Variants in COL28A1 observed in about 807,000 individuals in gnomAD.
The protein encoded by COL28A1 is collagen alpha-1(XXVIII) chain.
COL28A1 carries 161 observed loss-of-function variants against 150.2 expected under a neutral mutation model. The observed-to-expected ratio is 1.07, with a 90% CI of 0.94 to 1.22. COL28A1 has a LOEUF of 1.22. COL28A1 is among the 50% of genes most tolerant of loss of function. The pLI, the probability that COL28A1 is intolerant of heterozygous loss-of-function variation, is 0.00. For synonymous variants in COL28A1, 552 were observed against 469.7 expected (o/e 1.18, Z -2.26); for missense variants, 1,617 against 1,388.3 (o/e 1.16, Z -2.62).
Position 7,437,449 on chromosome 7 carries a change from A to T in COL28A1, c.1736T>A (p.Ile579Asn), listed in dbSNP as rs369189707. 2 of 1,613,720 alleles carry T rather than the reference A, an allele frequency of 1.2e-6. No individual in the cohort carries two copies. Among genetic ancestry groups the T allele is most frequent in the South Asian group, 1.1e-5 (1 of 90,990 alleles). Reference protein sequence around the residue: ...GPEGPKGEPGIMGPFGMPGTS... With the variant: ...GPEGPKGEPGNMGPFGMPGTS... ...TCCAGGCATTCCAAAAGGGCCCATA[A>T]TGCCCGGTTCACCCTTAAAAAGAGC... The change falls in exon 22 of 35, where the codon ATT becomes AAT. Residue 579 changes from isoleucine (I) to asparagine (N), a missense_variant. Coordinates refer to ENST00000399429, the MANE Select transcript of COL28A1 (RefSeq NM_001037763.3).
chr7:7,348,054 T>C, the COL28A1 span, among the ~76,000 whole-genome samples: 1 of 151,954 alleles, frequency 6.6e-6, no homozygotes, highest in Non-Finnish European at 1.5e-5. Flanking sequence ...GAAGTCAACA[T>C]ATAGAGGAGG....
At chr7:7,521,201 T>C (rs1405007315) in intron 5 of COL28A1, among the ~76,000 whole-genome samples, 3 of 152,192 alleles carry the variant, frequency 2.0e-5, no homozygotes, top group Non-Finnish European at 2.9e-5. Context: ...AGCACGTGAA[T>C]GCTTTATGAA....
At chr7:7,525,131 GTC>G (rs1393382221) in intron 3 of COL28A1, among the ~76,000 whole-genome samples, 1 of 152,082 alleles carries the variant, frequency 6.6e-6, no homozygotes, top group African/African-American at 2.4e-5. Context: ...AATTTAATGA[GTC>G]TTAGTCAATC....
downstream of COL28A1, among the ~76,000 whole-genome samples, chr7:7,355,711 A>C (rs1486600132): frequency 1.3e-5 from 2 of 152,220 alleles, no homozygotes; most frequent in African/African-American, 2.4e-5. Context: ...AGCAATGGGA[A>C]CTTTTATATG....
At chr7:7,528,244 A>G (rs1782140480) in intron 3 of COL28A1, among the ~76,000 whole-genome samples, 1 of 152,184 alleles carries the variant, frequency 6.6e-6, no homozygotes, top group South Asian at 2.1e-4. Flanking sequence ...ATTTTCACAT[A>G]TCCTCTCTTA....
Position 7,360,386 on chromosome 7 carries a change from C to T in COL28A1, c.3205+4G>A. ...AATGGGACTTGGAGTTCTGGTTTAC[C>T]TACCCTCTGCCCCATCCACAGGGGT... is the stretch of plus-strand genomic sequence containing the variant. On this transcript the variant is annotated splice_donor_region_variant and intron_variant, in intron 34 of 34. Coordinates refer to ENST00000399429, the MANE Select transcript of COL28A1 (RefSeq NM_001037763.3). The T allele has an allele frequency of 6.5e-7, 1 of 1,547,464 alleles. No homozygotes were observed.
chr7:7,397,548 C>T (rs1330820035), intron 27 of COL28A1, among the ~76,000 whole-genome samples: 1 of 152,186 alleles, frequency 6.6e-6, no homozygotes, highest in African/African-American at 2.4e-5. Context: ...CCTTAATACA[C>T]TTCCATTTAG....
At chr7:7,433,254 G>C (rs573360664) in intron 23 of COL28A1, among the ~76,000 whole-genome samples, 2 of 152,252 alleles carry the variant, frequency 1.3e-5, no homozygotes, top group African/African-American at 4.8e-5. Flanking sequence ...TCTAAGACTT[G>C]TAACTGTCTC....
intron 1 of COL28A1, 125 bp from the exon 2 acceptor site, chr7:7,533,037 TA>T (rs1281647293): frequency 9.6e-7 from 1 of 1,044,590 alleles, no homozygotes; most frequent in African/African-American, 1.6e-5. Context: ...TTCATATTTC[TA>T]GAAAAATATT....
chr7:7,504,221 G>T (rs58336356), intron 11 of COL28A1, among the ~76,000 whole-genome samples: 14,598 of 152,164 alleles, frequency 0.096, 764 homozygotes, highest in Middle Eastern at 0.15. Context: ...GTTGAGCCAG[G>T]TATGGTGGCT....
At position 7,390,929 on chromosome 7, in the gene COL28A1, T is replaced by C. The variant is rs117880418; in HGVS notation, c.2137-9317A>G. On this transcript the variant is annotated intron_variant, in intron 27 of 34. Coordinates refer to ENST00000399429, the MANE Select transcript of COL28A1 (RefSeq NM_001037763.3). Reference sequence around the variant, plus strand: ...TATTGTGTTGATCTTTTCAACCAGCTCCTGGATTCACTGATTTTTTGAAGA... The same window carrying C: ...TATTGTGTTGATCTTTTCAACCAGCCCCTGGATTCACTGATTTTTTGAAGA... Among the ~76,000 whole-genome samples, 1,171 of 152,294 alleles carry C rather than the reference T, an allele frequency of 7.7e-3. 10 individuals carry two copies. Among genetic ancestry groups the C allele is most frequent in the Middle Eastern group, 0.041 (12 of 294 alleles).
At chr7:7,524,680 GATTT>G (rs1355210271) in intron 3 of COL28A1, among the ~76,000 whole-genome samples, 1 of 151,936 alleles carries the variant, frequency 6.6e-6, no homozygotes, top group East Asian at 1.9e-4. Flanking sequence ...TATTTTTCAT[GATTT>G]ATTTTTCAAG....
intron 27 of COL28A1, among the ~76,000 whole-genome samples, chr7:7,382,324 GA>G (rs1426687900): frequency 6.6e-6 from 1 of 150,784 alleles, no homozygotes; most frequent in Non-Finnish European, 1.5e-5. Flanking sequence ...AAAAAAAACA[GA>G]AAAAAAATGT....
chr7:7,500,371 C>A (rs1780451703), intron 11 of COL28A1, among the ~76,000 whole-genome samples: 1 of 152,194 alleles, frequency 6.6e-6, no homozygotes, highest in Non-Finnish European at 1.5e-5. Flanking sequence ...AATTAGTGTG[C>A]AAAGCAGAAT....
rs376159593 is a variant in COL28A1, at chr7:7,421,466, C to G, written c.1999-1513G>C. On this transcript the variant is annotated intron_variant, in intron 25 of 34. Transcript: ENST00000399429. ...TGAATTCTAGAATGTGTAAAATATGCCTGAATAAAGTAATAAAGAAAAAAA... is the reference window on the plus strand; with the variant it reads ...TGAATTCTAGAATGTGTAAAATATGGCTGAATAAAGTAATAAAGAAAAAAA... Among the ~76,000 whole-genome samples the G allele has an allele frequency of 8.5e-5, 13 of 152,108 alleles. 1 individual carries two copies. The highest frequency in any genetic ancestry group is 3.1e-4 in the African/African-American group (13 of 41,496).
intron 34 of COL28A1, 23 bp from the exon 35 acceptor site, chr7:7,358,828 T>C: frequency 6.3e-7 from 1 of 1,583,444 alleles, no homozygotes; most frequent in Non-Finnish European, 8.6e-7. Flanking sequence ...AAGGAAAATG[T>C]GTCACGGATT....
intron 13 of COL28A1, among the ~76,000 whole-genome samples, chr7:7,482,594 C>A (rs926275884): frequency 1.3e-5 from 2 of 150,990 alleles, no homozygotes; most frequent in Non-Finnish European, 2.9e-5. Context: ...CATTTTGATA[C>A]ATTATTTAGG....
rs1010161713 is a variant in COL28A1 at position 7,515,494 on chromosome 7, C to G, written c.882+320G>C. Among the ~76,000 whole-genome samples, 115 of 152,266 alleles carry G rather than the reference C, an allele frequency of 7.6e-4. 1 individual carries two copies. Among genetic ancestry groups the G allele is most frequent in the African/African-American group, 2.5e-3 (104 of 41,548 alleles). ...AGGGTGCAACCTATTTGCAGTATTG[C>G]TGAATCTGTTTGTGTAAAGAAACTT... On this transcript the variant is annotated intron_variant, in intron 8 of 34. Transcript: ENST00000399429.
chr7:7,391,768 C>G (rs967120816), intron 27 of COL28A1, among the ~76,000 whole-genome samples: 1 of 143,194 alleles, frequency 7.0e-6, no homozygotes, highest in African/African-American at 2.6e-5. Context: ...GATTTAAAGT[C>G]TGTTTTATCA....
Sources: gnomAD v4.1 joint callset for allele counts (sites outside exome capture counted in the v4.1 genomes callset) on GRCh38, gnomAD v4.1.1 for gene constraint, MANE v1.5 for transcripts, NCBI Gene and HGNC (gene_info 2026-07-23, HGNC 2026-07-21) for gene names.